The following SYNE2 variants were observed in gnomAD, a reference collection of about 807,000 sequenced individuals.
SYNE2 encodes spectrin repeat containing nuclear envelope protein 2.
In SYNE2, 431 loss-of-function variants were observed where a neutral mutation model predicts 856.3. The observed-to-expected ratio is 0.50, with a 90% confidence interval of 0.47 to 0.55. SYNE2 has a LOEUF of 0.55. Among genes scored for constraint, SYNE2 ranks in the 20% least tolerant of loss-of-function variants. The pLI is 0.00. For missense variants in SYNE2, 8,129 were observed against 8,023.2 expected, an observed-to-expected ratio of 1.01 and a Z score of -0.50; for synonymous variants, 2,923 against 2,872.3, an observed-to-expected ratio of 1.02 and a Z score of -0.56.
chr14:63,936,499 G>A (rs2095835462), intron 2 of SYNE2, among the ~76,000 whole-genome samples: 1 of 151,816 alleles, frequency 6.6e-6, no homozygotes, highest in South Asian at 2.1e-4. Context: ...AGGAGGTGAG[G>A]GAATTCACCT....
At chr14:64,145,530 T>C (rs1046432157) in intron 83 of SYNE2, among the ~76,000 whole-genome samples, 10 of 149,848 alleles carry the variant, frequency 6.7e-5, no homozygotes, top group African/African-American at 2.2e-4. Flanking sequence ...AAAAAAATTA[T>C]GTCATGACAC....
At chr14:63,927,619 C>T (rs79107692) in intron 2 of SYNE2, among the ~76,000 whole-genome samples, 8 of 151,448 alleles carry the variant, frequency 5.3e-5, no homozygotes, top group African/African-American at 9.7e-5. Context: ...TTTCGGCCGG[C>T]GCTGTGGCTC....
At chr14:63,868,642 A>G (rs1896062304) in intron 1 of SYNE2, among the ~76,000 whole-genome samples, 1 of 152,216 alleles carries the variant, frequency 6.6e-6, no homozygotes, top group Middle Eastern at 3.2e-3. Context: ...AAAATTGTCC[A>G]TAGCAATTAT....
At chr14:63,904,493 A>G (rs2095381114) in intron 1 of SYNE2, among the ~76,000 whole-genome samples, 1 of 149,216 alleles carries the variant, frequency 6.7e-6, no homozygotes, top group Non-Finnish European at 1.5e-5. Context: ...CTGTTTTTTG[A>G]CTTTTAGTAG....
At chr14:64,094,508 A>G (rs538253238) in intron 61 of SYNE2, among the ~76,000 whole-genome samples, 173 of 152,324 alleles carry the variant, frequency 1.1e-3, no homozygotes, top group Non-Finnish European at 1.9e-3. Flanking sequence ...AGGGTAATAG[A>G]GAGCTGCTTT....
At chr14:64,105,484 T>C (rs2097765003) in intron 64 of SYNE2, among the ~76,000 whole-genome samples, 2 of 152,228 alleles carry the variant, frequency 1.3e-5, no homozygotes, top group Non-Finnish European at 2.9e-5. Flanking sequence ...GTCACTTAAT[T>C]GCAAGCATAG....
chr14:64,053,660 A>C lies in SYNE2; in HGVS notation c.9744+3A>C. The C allele has an allele frequency of 6.2e-7, 1 of 1,611,944 alleles. No homozygotes were observed. The highest frequency in any genetic ancestry group is 8.5e-7 in the Non-Finnish European group (1 of 1,178,696). ...ACACAAGCATTGATTTGCGCACAGT[A>C]AGTTTTAAAAATTATGCAGTTAGTG... is the stretch of plus-strand genomic sequence containing the variant. On this transcript the variant is annotated splice_donor_region_variant and intron_variant, in intron 48 of 115. Transcript: ENST00000555002.
chr14:63,881,036 G>A (rs1566695495), intron 1 of SYNE2, among the ~76,000 whole-genome samples: 1 of 151,876 alleles, frequency 6.6e-6, no homozygotes, highest in African/African-American at 2.4e-5. Context: ...TTTGGGTAGA[G>A]ATAGGGTTTC....
rs2094752691 is a variant in SYNE2 at position 63,877,508 on chromosome 14, G to A, written c.-52+24365G>A. Among the ~76,000 whole-genome samples the A allele has an allele frequency of 3.3e-5, 5 of 152,212 alleles. No homozygotes were observed. The South Asian group carries it at 1.0e-3, about 32-fold the overall frequency. ...TACATTCTCATATTTTGCCGTAGTA[G>A]AGATTAAGAAAACCACTGGAGTGGA... On this transcript the variant is annotated intron_variant, in intron 1 of 115. Coordinates refer to ENST00000555002, the MANE Select transcript of SYNE2 (RefSeq NM_182914.3).
chr14:64,198,357 T>A (rs1847432725), intron 99 of SYNE2, among the ~76,000 whole-genome samples: 1 of 152,234 alleles, frequency 6.6e-6, no homozygotes, highest in African/African-American at 2.4e-5. Flanking sequence ...CCCAACAATG[T>A]GGAGGTCAGT....
At chr14:64,012,375 TTTTC>T (rs2096853461) in intron 32 of SYNE2, among the ~76,000 whole-genome samples, 2 of 152,340 alleles carry the variant, frequency 1.3e-5, no homozygotes, top group South Asian at 4.1e-4. Context: ...TTTTAAATTC[TTTTC>T]TGTTATTAAA....
intron 1 of SYNE2, among the ~76,000 whole-genome samples, chr14:63,795,815 GA>G (rs1329965494): frequency 6.6e-6 from 1 of 152,140 alleles, no homozygotes; most frequent in Non-Finnish European, 1.5e-5. Flanking sequence ...CAATTAAAGA[GA>G]ACAAACTATT....
In SYNE2 at chr14:64,225,599, A is replaced by G; in HGVS notation, c.*73A>G. 6.7e-7 allele frequency: 1 copy of G among 1,495,926 alleles called. No homozygotes were observed. The highest frequency in any genetic ancestry group is 1.8e-5 in the Admixed American group (1 of 55,170). 92.7% of individuals were successfully genotyped at this position (1,495,926 alleles called of 1,614,324 possible). On this transcript the variant is annotated 3_prime_UTR_variant, in exon 116 of 116. Transcript: ENST00000555002. The stretch of plus-strand genomic sequence containing the variant: ...GTGCCCAGCACGTGGCCCCAGACCA[A>G]TCTGAGTGACTTAGTGTTGGCAAGG...
chr14:63,966,787 T>C (rs1311408612), intron 10 of SYNE2, among the ~76,000 whole-genome samples: 1 of 152,148 alleles, frequency 6.6e-6, no homozygotes, highest in Non-Finnish European at 1.5e-5. Context: ...TTTGAACTCC[T>C]GGGCTCAAGT....
intron 23 of SYNE2, among the ~76,000 whole-genome samples, chr14:63,996,646 A>G (rs2096716045): frequency 6.6e-6 from 1 of 151,952 alleles, no homozygotes; most frequent in South Asian, 2.1e-4. Flanking sequence ...TCTTCCACAT[A>G]TAGCTCAGAT....
intron 106 of SYNE2, among the ~76,000 whole-genome samples, chr14:64,214,988 C>G (rs748775894): frequency 1.2e-4 from 18 of 152,190 alleles, no homozygotes; most frequent in Non-Finnish European, 1.9e-4. Flanking sequence ...AGTCCTCCCG[C>G]CTCAGCCTCC....
intron 108 of SYNE2, 31 bp from the exon 109 acceptor site, chr14:64,218,367 A>G: frequency 6.3e-7 from 1 of 1,588,992 alleles, no homozygotes; most frequent in Non-Finnish European, 8.6e-7. Context: ...TCATATCTAC[A>G]GATGGTAACT....
At chr14:64,130,269 G>T in intron 76 of SYNE2, 21 bp downstream of exon 76, 1 of 1,595,722 alleles carries the variant, frequency 6.3e-7, no homozygotes, top group Non-Finnish European at 8.6e-7. Context: ...CACATGGGTC[G>T]GGTGACCCCT....
chr14:63,822,929 C>A (rs1460301359), intron 1 of SYNE2, among the ~76,000 whole-genome samples: 1 of 151,928 alleles, frequency 6.6e-6, no homozygotes, highest in African/African-American at 2.4e-5. Context: ...CATAGTGAGA[C>A]CCCATCTCTA....
Sources: allele counts gnomAD v4.1 joint callset (sites outside exome capture counted in the v4.1 genomes callset), GRCh38; gene constraint gnomAD v4.1.1; transcripts MANE v1.5; gene names NCBI Gene and HGNC (gene_info 2026-07-23, HGNC 2026-07-21).